Variants in TEK observed in about 807,000 individuals in gnomAD.
The protein encoded by TEK is TEK receptor tyrosine kinase.
A neutral mutation model predicts 131.8 loss-of-function variants in TEK; 43 were observed. The ratio of observed to expected loss-of-function variants is 0.33; its 90% CI spans 0.26 to 0.42. TEK has a LOEUF of 0.42. TEK is among the 10% of genes least tolerant of loss of function. The probability of loss-of-function intolerance (pLI) is 1.00; values close to 1 mark genes in which losing one functional copy is unlikely to be tolerated. For missense variants in TEK, 1,162 were observed against 1,384.4 expected (o/e 0.84, Z 2.55); for synonymous variants, 580 against 491.6 (o/e 1.18, Z -2.38).
In TEK at chr9:27,204,569, A is replaced by G. The variant is rs146871526; in HGVS notation, c.2210-342A>G. On this transcript the variant is annotated intron_variant, in intron 13 of 22. Transcript: ENST00000380036. ...GGTTTAGTCACTCTCTCAAAGTTAT[A>G]CCTGTAGTAATTCTCCCTATTATTC... Among the ~76,000 whole-genome samples the G allele has an allele frequency of 4.3e-3, 653 of 152,248 alleles. 6 individuals are homozygous for G. The highest frequency in any genetic ancestry group is 0.015 in the African/African-American group (611 of 41,544).
At chr9:27,217,068 G>C (rs1380742273) in intron 18 of TEK, among the ~76,000 whole-genome samples, 1 of 152,176 alleles carries the variant, frequency 6.6e-6, no homozygotes, top group Non-Finnish European at 1.5e-5. Flanking sequence ...CCTGGAGGCA[G>C]TCAGGACCAG....
intron 2 of TEK, among the ~76,000 whole-genome samples, chr9:27,160,049 G>T: frequency 8.1e-6 from 1 of 123,904 alleles, no homozygotes; most frequent in African/African-American, 3.2e-5. Flanking sequence ...TTAAAGACAA[G>T]GGTCTTGCTG....
rs143178677 is a variant in TEK, at chr9:27,157,837, T to C, written c.59T>C (p.Val20Ala). Residue 20 changes from valine (V) to alanine (A), a missense_variant, in exon 2 of 23, where the codon GTG becomes GCG. This residue lies in a region of TEK where 436 missense variants were observed against 539.1 expected (regional missense o/e 0.81). Coordinates refer to ENST00000380036, the MANE Select transcript of TEK (RefSeq NM_000459.5). ...CGVSLLLSGT[V>A]EGAMDLILIN... is the part of the protein sequence containing the mutation. ...TGTCTCTCTTTCCTTTTAGGAACTGTGGAAGGTGCCATGGACTTGATCTTG... is the reference window on the plus strand; with the variant it reads ...TGTCTCTCTTTCCTTTTAGGAACTGCGGAAGGTGCCATGGACTTGATCTTG... 7.4e-5 allele frequency: 120 copies of C among 1,614,048 alleles called. No individual in the cohort carries two copies. Among genetic ancestry groups the C allele is most frequent in the Non-Finnish European group, 9.9e-5 (117 of 1,180,038 alleles).
chr9:27,119,884 C>T (rs1459905751), intron 1 of TEK, among the ~76,000 whole-genome samples: 1 of 90,282 alleles, frequency 1.1e-5, no homozygotes, highest in Non-Finnish European at 2.5e-5. Flanking sequence ...TGTCTGTGTG[C>T]ACATGCGTGT....
chr9:27,109,829 A>T (rs909473623), intron 1 of TEK, among the ~76,000 whole-genome samples, 187 bp downstream of exon 1: 4 of 152,090 alleles, frequency 2.6e-5, no homozygotes, highest in Non-Finnish European at 5.9e-5. Flanking sequence ...TGTGGCATGA[A>T]CTGATTTTGC....
intron 1 of TEK, among the ~76,000 whole-genome samples, chr9:27,151,559 A>G (rs1678833979): frequency 6.6e-6 from 1 of 152,200 alleles, no homozygotes; most frequent in Non-Finnish European, 1.5e-5. Context: ...CTAAAAGTCC[A>G]CAAACCCTCC....
chr9:27,223,270 GTAGACCTAA>G (rs200523351), intron 21 of TEK, among the ~76,000 whole-genome samples: 5,179 of 152,216 alleles, frequency 0.034, 113 homozygotes, highest in Middle Eastern at 0.078. Flanking sequence ...TCTGGACCAA[GTAGACCTAA>G]TAGACATCTA....
rs564886485 is a variant in TEK at position 27,210,363 on chromosome 9, A to C, written c.2686+1132A>C. ...TCTTAAAACCCGCCTGACTTTCTGT[A>C]CAAACCCTACAAATGACACAGTACA... is the stretch of plus-strand genomic sequence containing the variant. On this transcript the variant is annotated intron_variant, in intron 16 of 22. Transcript: ENST00000380036. 3.7e-5 allele frequency: 6 copies of C among 160,412 alleles called. 1 individual carries two copies. In the South Asian group the frequency reaches 1.1e-3, roughly 29 times the overall value. 9.9% of individuals were successfully genotyped at this position (160,412 alleles called of 1,614,324 possible).
At chr9:27,186,192 A>C (rs1401574836) in intron 9 of TEK, among the ~76,000 whole-genome samples, 4 of 152,204 alleles carry the variant, frequency 2.6e-5, no homozygotes, top group Non-Finnish European at 5.9e-5. Context: ...GCTATAAATT[A>C]GTATTTCAAA....
At chr9:27,140,517 C>G (rs774630637) in intron 1 of TEK, among the ~76,000 whole-genome samples, 2 of 151,892 alleles carry the variant, frequency 1.3e-5, no homozygotes, top group East Asian at 3.9e-4. Context: ...TTAAGGATTG[C>G]CAAGAGTCCT....
At chr9:27,151,677 T>G (rs2131105778) in intron 1 of TEK, among the ~76,000 whole-genome samples, 1 of 152,294 alleles carries the variant, frequency 6.6e-6, no homozygotes, top group South Asian at 2.1e-4. Context: ...GTGATTAGTT[T>G]TCCATGTCTG....
chr9:27,163,441 C>T (rs1413810880), intron 2 of TEK, among the ~76,000 whole-genome samples: 1 of 152,036 alleles, frequency 6.6e-6, no homozygotes, highest in Non-Finnish European at 1.5e-5. Context: ...CTGAAAATTC[C>T]TAAATGGAAA....
chr9:27,223,764 G>C lies in TEK; in HGVS notation c.3200+3619G>C, dbSNP rs9696387. ...CTAGCAGAAGGCAAGAAATAACTAA[G>C]ATCAGAGCAGCATTGAAGGAGACAG... On this transcript the variant is annotated intron_variant, in intron 21 of 22. Coordinates refer to ENST00000380036, the MANE Select transcript of TEK (RefSeq NM_000459.5). Among the ~76,000 whole-genome samples, 909 of 152,232 alleles carry C rather than the reference G, an allele frequency of 6.0e-3. 11 individuals are homozygous for C. The highest frequency in any genetic ancestry group is 0.021 in the African/African-American group (876 of 41,542).
chr9:27,154,676 C>G (rs1472152574), intron 1 of TEK, among the ~76,000 whole-genome samples: 2 of 152,150 alleles, frequency 1.3e-5, no homozygotes, highest in Non-Finnish European at 2.9e-5. Flanking sequence ...TCCTAGGAAG[C>G]TGGTAGGTAT....
Position 27,164,519 on chromosome 9 carries a change from A to G in TEK, c.365-3976A>G, listed in dbSNP as rs377338216. 1.4e-4 allele frequency among the ~76,000 whole-genome samples: 22 copies of G among 151,958 alleles called. No individual in the cohort carries two copies. In the South Asian group the frequency reaches 4.0e-3, roughly 27 times the overall value. The stretch of plus-strand genomic sequence containing the variant: ...TATTTTTAGTAGAGATGGAGTTTCA[A>G]TGTGTTAGCCAGGATGATGTCGATC... On this transcript the variant is annotated intron_variant, in intron 2 of 22. Transcript: ENST00000380036.
At chr9:27,227,513 G>C (rs1189990188) in intron 21 of TEK, among the ~76,000 whole-genome samples, 1 of 152,166 alleles carries the variant, frequency 6.6e-6, no homozygotes, top group Non-Finnish European at 1.5e-5. Context: ...CTGAAGGCTG[G>C]GAAATCCAAG....
chr9:27,112,855 T>C (rs1821398577), intron 1 of TEK, among the ~76,000 whole-genome samples: 2 of 152,216 alleles, frequency 1.3e-5, no homozygotes, highest in Admixed American at 6.5e-5. Flanking sequence ...AAGTTATGTA[T>C]ATTTAATGTG....
intron 19 of TEK, 36 bp downstream of exon 19, chr9:27,217,794 C>T (rs751564046): frequency 1.4e-6 from 2 of 1,456,868 alleles, no homozygotes; most frequent in Non-Finnish European, 9.2e-7. Context: ...GATTTTTTTT[C>T]CCTCCCAGAA....
chr9:27,221,205 C>T (rs1311958128), intron 21 of TEK, among the ~76,000 whole-genome samples: 1 of 152,234 alleles, frequency 6.6e-6, no homozygotes, highest in Non-Finnish European at 1.5e-5. Flanking sequence ...CCACTATAGC[C>T]AGACTGCCTC....
Sources: allele counts gnomAD v4.1 joint callset (sites outside exome capture counted in the v4.1 genomes callset), GRCh38; gene constraint gnomAD v4.1.1; regional missense constraint gnomAD v4.1.1; transcripts MANE v1.5; gene names NCBI Gene and HGNC (gene_info 2026-07-23, HGNC 2026-07-21).